Variants in ZNF507 observed in about 807,000 individuals in gnomAD.
ZNF507 encodes the protein zinc finger protein 507.
ZNF507 carries 29 observed loss-of-function variants against 80.0 expected under a neutral mutation model. The ratio of observed to expected loss-of-function variants is 0.36; its 90% CI spans 0.27 to 0.49. The LOEUF (loss-of-function observed/expected upper bound fraction) is 0.49. Ranked by LOEUF, ZNF507 falls within the 20% of genes least tolerant of loss-of-function variation. The pLI is 0.98. For synonymous variants in ZNF507, 462 were observed against 422.5 expected (o/e 1.09, Z -1.15); for missense variants, 1,081 against 1,152.2 (o/e 0.94, Z 0.90).
chr19:32,349,564 T>C (rs772179520), intron 2 of ZNF507, among the ~76,000 whole-genome samples: 1 of 152,244 alleles, frequency 6.6e-6, no homozygotes, highest in Non-Finnish European at 1.5e-5. Context: ...CAACTCAGTT[T>C]TAAACTGCAA....
intron 5 of ZNF507, among the ~76,000 whole-genome samples, chr19:32,379,660 T>C (rs1356332102): frequency 1.3e-5 from 2 of 152,250 alleles, no homozygotes; most frequent in Admixed American, 1.3e-4. Context: ...TAATACATTC[T>C]GTTGGTTTTG....
chr19:32,378,227 C>T (rs955571163), intron 5 of ZNF507, among the ~76,000 whole-genome samples: 2 of 152,088 alleles, frequency 1.3e-5, no homozygotes, highest in African/African-American at 2.4e-5. Flanking sequence ...GTGGCACACA[C>T]CTGTAATCCC....
In ZNF507 at chr19:32,352,985, G is replaced by A. The variant is rs750734497; in HGVS notation, c.155G>A (p.Ser52Asn). ...TTAATCCATGTTATCCAGAAGTTAA[G>A]CAAGATAGTGGAAAATGAAAAGTCA... ...DPLIHVIQKL[S>N]KIVENEKSQK... Residue 52 changes from serine (S) to asparagine (N), a missense_variant, in exon 3 of 7, where the codon AGC becomes AAC. Transcript: ENST00000355898. 6.2e-7 allele frequency: 1 copy of A among 1,614,062 alleles called. No individual in the cohort carries two copies. Among genetic ancestry groups the A allele is most frequent in the Admixed American group, 1.7e-5 (1 of 59,988 alleles).
chr19:32,381,943 A>G (rs1474696514), intron 5 of ZNF507: 1 of 152,264 alleles, frequency 6.6e-6, no homozygotes, highest in Admixed American at 6.5e-5. Context: ...GTTTTCTAAT[A>G]GAAACTTTTT....
At chr19:32,366,632 G>A (rs190810454) in intron 5 of ZNF507, among the ~76,000 whole-genome samples, 1 of 152,260 alleles carries the variant, frequency 6.6e-6, no homozygotes, top group Admixed American at 6.5e-5. Flanking sequence ...GTTATTGTAA[G>A]GTTTTCCTCC....
chr19:32,377,389 A>C (rs1052633809), intron 5 of ZNF507, among the ~76,000 whole-genome samples: 1 of 152,068 alleles, frequency 6.6e-6, no homozygotes, highest in Non-Finnish European at 1.5e-5. Flanking sequence ...TTCCGCTCCT[A>C]TCTCTATATG....
rs578040686 is a variant in ZNF507, at chr19:32,361,448, C to T, written c.2360+830C>T. Among the ~76,000 whole-genome samples the T allele has an allele frequency of 4.5e-4, 69 of 152,268 alleles. 1 individual carries two copies. Among genetic ancestry groups the T allele is most frequent in the African/African-American group, 1.6e-3 (65 of 41,562 alleles). On this transcript the variant is annotated intron_variant, in intron 5 of 6. Coordinates refer to ENST00000355898, the MANE Select transcript of ZNF507 (RefSeq NM_001136156.2). ...TCAATGAAAACCTGACAGATTGTGC[C>T]ATAAAAGGTCATTGTTTAATCCCAA...
At chr19:32,350,625 G>A (rs1414205428) in intron 2 of ZNF507, among the ~76,000 whole-genome samples, 2 of 151,996 alleles carry the variant, frequency 1.3e-5, no homozygotes, top group African/African-American at 4.8e-5. Context: ...GTAGAAGAAA[G>A]ATAACATGAG....
intron 5 of ZNF507, among the ~76,000 whole-genome samples, chr19:32,363,491 G>A (rs768748613): frequency 2.6e-5 from 4 of 152,160 alleles, no homozygotes; most frequent in Non-Finnish European, 4.4e-5. Context: ...CGGCTTCATG[G>A]ATCCCTGGTT....
Position 32,383,001 on chromosome 19 carries a change from T to C in ZNF507, c.2780T>C (p.Leu927Ser). 1 of 1,614,166 alleles carries C rather than the reference T, an allele frequency of 6.2e-7. No homozygotes were observed. The highest frequency in any genetic ancestry group is 8.5e-7 in the Non-Finnish European group (1 of 1,180,014). ...GAATCAACCAGCAAAGAAAACCTCT[T>C]GGATCATATGAAAGAGCACGAGGGT... is the stretch of plus-strand genomic sequence containing the variant. Reference protein sequence around the residue: ...GFESTSKENLLDHMKEHEGEI... With the variant: ...GFESTSKENLSDHMKEHEGEI... Residue 927 changes from leucine (L) to serine (S), a missense_variant, in exon 7 of 7, where the codon TTG becomes TCG. By Grantham distance (145) the Leu-to-Ser change is moderately radical. Coordinates refer to ENST00000355898, the MANE Select transcript of ZNF507 (RefSeq NM_001136156.2).
chr19:32,346,957 C>T (rs1385497680), intron 1 of ZNF507, among the ~76,000 whole-genome samples: 1 of 152,154 alleles, frequency 6.6e-6, no homozygotes, highest in Non-Finnish European at 1.5e-5. Context: ...GTCAGTAAAA[C>T]CAATAGTGTT....
chr19:32,378,968 T>C (rs981303722), intron 5 of ZNF507, among the ~76,000 whole-genome samples: 17 of 152,160 alleles, frequency 1.1e-4, no homozygotes, highest in Admixed American at 6.6e-5. Flanking sequence ...GCACAACATA[T>C]GTAAAGTCAC....
At chr19:32,355,642 G>T (rs949336797) in intron 3 of ZNF507, among the ~76,000 whole-genome samples, 2 of 152,168 alleles carry the variant, frequency 1.3e-5, no homozygotes, top group Non-Finnish European at 2.9e-5. Context: ...TCTTCAGTGG[G>T]CCAGGTGACT....
chr19:32,365,263 T>C (rs1217046154), intron 5 of ZNF507, among the ~76,000 whole-genome samples: 1 of 152,232 alleles, frequency 6.6e-6, no homozygotes, highest in African/African-American at 2.4e-5. Flanking sequence ...GATGTATAGA[T>C]TGTGAAGATT....
chr19:32,354,268 C>G lies in ZNF507; in HGVS notation c.1438C>G (p.Pro480Ala). Residue 480 changes from proline (P) to alanine (A), a missense_variant, in exon 3 of 7, where the codon CCA becomes GCA. By Grantham distance (27) the Pro-to-Ala change is conservative. Around this residue, in one of 6 missense-constraint regions of ZNF507, gnomAD observed 614 missense variants for 583.9 expected, o/e 1.05. Transcript: ENST00000355898. ...KGLATDENAP[P>A]GRRRTNSESL... ...CCTGGCTACTGATGAGAATGCCCCA[C>G]CAGGCCGGAGAAGGACAAATTCTGA... The G allele has an allele frequency of 6.2e-7, 1 of 1,614,166 alleles. No homozygotes were observed. The highest frequency in any genetic ancestry group is 8.5e-7 in the Non-Finnish European group (1 of 1,180,038).
In ZNF507 at chr19:32,354,920, A is replaced by G; in HGVS notation, c.2090A>G (p.Tyr697Cys). 2 of 1,613,360 alleles carry G rather than the reference A, an allele frequency of 1.2e-6. No homozygotes were observed. Among genetic ancestry groups the G allele is most frequent in the Non-Finnish European group, 1.7e-6 (2 of 1,179,706 alleles). The part of the protein sequence containing the change: ...HMIHHCKTRI[Y>C]QCKQCEESFH... ...ATCCACCACTGTAAGACAAGAATATACCAGTGCAAGCAGTGTGAAGAATCC... is the reference window on the plus strand; with the variant it reads ...ATCCACCACTGTAAGACAAGAATATGCCAGTGCAAGCAGTGTGAAGAATCC... Residue 697 changes from tyrosine to cysteine, a missense_variant, in exon 3 of 7, where the codon TAC becomes TGC. By Grantham distance (194) the Tyr-to-Cys change is radical. Transcript: ENST00000355898.
rs748987402 is a variant in ZNF507, at chr19:32,382,914, G to C, written c.2693G>C (p.Ser898Thr). 12 of 1,614,114 alleles carry C rather than the reference G, an allele frequency of 7.4e-6. No individual in the cohort carries two copies. The highest frequency in any genetic ancestry group is 1.3e-5 in the African/African-American group (1 of 75,032). ...NTSYSLEKISSLAPPSMEYCV... is the reference protein window; with the variant it reads ...NTSYSLEKISTLAPPSMEYCV... The stretch of plus-strand genomic sequence containing the variant: ...TCATATAGTTTAGAAAAAATCTCCA[G>C]TCTGGCCCCTCCTAGCATGGAGTAC... Residue 898 changes from serine to threonine, a missense_variant, in exon 7 of 7, where the codon AGT becomes ACT. Coordinates refer to ENST00000355898, the MANE Select transcript of ZNF507 (RefSeq NM_001136156.2).
intron 5 of ZNF507, among the ~76,000 whole-genome samples, chr19:32,373,818 G>C (rs1967507208): frequency 6.6e-6 from 1 of 152,058 alleles, no homozygotes; most frequent in Non-Finnish European, 1.5e-5. Context: ...CGATTTTGTT[G>C]GCCAGTTCCT....
At chr19:32,379,615 T>C (rs532642803) in intron 5 of ZNF507, among the ~76,000 whole-genome samples, 24 of 152,366 alleles carry the variant, frequency 1.6e-4, no homozygotes, top group African/African-American at 5.8e-4. Context: ...ATATAACATA[T>C]GTATGTGTAT....
Sources: gnomAD v4.1 joint callset for allele counts (sites outside exome capture counted in the v4.1 genomes callset) on GRCh38, gnomAD v4.1.1 for gene constraint, gnomAD v4.1.1 regional missense constraint, MANE v1.5 for transcripts, NCBI Gene and HGNC (gene_info 2026-07-23, HGNC 2026-07-21) for gene names.